The following ZNF789 variants were observed in gnomAD, a reference collection of about 807,000 sequenced individuals.
The protein encoded by ZNF789 is zinc finger protein 789.
ZNF789 carries 11 observed loss-of-function variants against 15.6 expected under a neutral mutation model. That is an observed-to-expected ratio of 0.70 (90% CI 0.44 to 1.16). The LOEUF is 1.16. Among genes scored for constraint, ZNF789 ranks in the 50% most tolerant of loss-of-function variants. The pLI, the probability that ZNF789 is intolerant of heterozygous loss-of-function variation, is 0.00. For synonymous variants in ZNF789, 159 were observed against 176.0 expected, an observed-to-expected ratio of 0.90 and a Z score of 0.76; for missense variants, 461 against 512.6, an observed-to-expected ratio of 0.90 and a Z score of 0.97.
intron 3 of ZNF789, chr7:99,480,054 G>A (rs548430594): frequency 3.0e-5 from 13 of 431,732 alleles, no homozygotes; most frequent in Middle Eastern, 5.9e-4. Flanking sequence ...GGCCAGGTGC[G>A]GTGGCTCACA....
At chr7:99,476,663 T>C (rs924358164) in intron 2 of ZNF789, among the ~76,000 whole-genome samples, 183 bp downstream of exon 2, 1 of 152,240 alleles carries the variant, frequency 6.6e-6, no homozygotes, top group African/African-American at 2.4e-5. Flanking sequence ...GCTCCAGTTT[T>C]CTTTTCTGTA....
chr7:99,481,149 T>G (rs1299129503), intron 3 of ZNF789: 3 of 152,252 alleles, frequency 2.0e-5, no homozygotes, highest in Non-Finnish European at 4.4e-5. Flanking sequence ...TATCAGCATT[T>G]CCCCACATAA....
At chr7:99,482,896 G>C (rs746910615) in intron 3 of ZNF789, among the ~76,000 whole-genome samples, 1 of 151,846 alleles carries the variant, frequency 6.6e-6, no homozygotes, top group Non-Finnish European at 1.5e-5. Context: ...TATGAGTTTT[G>C]TATTCTGCTT....
intron 3 of ZNF789, 36 bp downstream of exon 3, chr7:99,479,823 TTCTGAGTG>T (rs1799526451): frequency 6.2e-7 from 1 of 1,600,380 alleles, no homozygotes; most frequent in Admixed American, 1.7e-5. Context: ...TTTGTCTGTG[TTCTGAGTG>T]TCTGTGCAAG....
intron 1 of ZNF789, 84 bp from the exon 2 acceptor site, chr7:99,476,319 C>G: frequency 1.2e-6 from 1 of 838,196 alleles, no homozygotes; most frequent in East Asian, 3.0e-5. Context: ...GTCTGTGTGC[C>G]CCGTTGGAAT....
intron 4 of ZNF789, among the ~76,000 whole-genome samples, chr7:99,484,920 C>G (rs1431442320): frequency 6.6e-6 from 1 of 152,136 alleles, no homozygotes; most frequent in Non-Finnish European, 1.5e-5. Flanking sequence ...CAGAGCAAGA[C>G]TGTCTGAAAA....
rs754491823 is a variant in ZNF789, at chr7:99,483,761, A to T, written c.152-269A>T. On this transcript the variant is annotated intron_variant, in intron 3 of 4. Transcript: ENST00000331410. ...CAGTTTATTTCCAGTTTGATGCTGC[A>T]ATACCACTGTGCTGAACGTCTCTGG... 116 of 780,990 alleles carry T rather than the reference A, an allele frequency of 1.5e-4. 2 individuals are homozygous for T. The highest frequency in any genetic ancestry group is 1.1e-3 in the South Asian group (82 of 74,632). The allele number at this position is 780,990 out of a possible 1,614,324, so 48.4% of individuals were successfully genotyped here. A position where few individuals can be genotyped will look rare whatever the true frequency, so the allele number is the denominator to read the frequency against.
chr7:99,474,391 A>C (rs192623242), intron 1 of ZNF789, among the ~76,000 whole-genome samples: 1 of 152,104 alleles, frequency 6.6e-6, no homozygotes, highest in Non-Finnish European at 1.5e-5. Flanking sequence ...TCAGGAGATC[A>C]AGACCATCCT....
intron 2 of ZNF789, chr7:99,478,418 C>G (rs187696647): frequency 2.4e-6 from 3 of 1,262,894 alleles, no homozygotes; most frequent in Non-Finnish European, 3.1e-6. Flanking sequence ...AAAGAAAGTC[C>G]GTATAATTTG....
Position 99,486,811 on chromosome 7 carries a change from T to A in ZNF789, c.601T>A (p.Tyr201Asn). Reference sequence around the variant, plus strand: ...GCGAATTCTCACAAGAGCAAAGTCTTATGAATGCAGTGAATGTGGAAAAGT... The same window carrying A: ...GCGAATTCTCACAAGAGCAAAGTCTAATGAATGCAGTGAATGTGGAAAAGT... ...HERILTRAKS[Y>N]ECSECGKVIR... Residue 201 changes from tyrosine to asparagine, a missense_variant, in exon 5 of 5, where the codon TAT becomes AAT. Tyr to Asn is a moderately radical substitution (Grantham distance 143, BLOSUM62 -2). Transcript: ENST00000331410. 1 of 1,614,220 alleles carries A rather than the reference T, an allele frequency of 6.2e-7. No individual in the cohort carries two copies. The highest frequency in any genetic ancestry group is 8.5e-7 in the Non-Finnish European group (1 of 1,180,042).
rs1338510097 is a variant in ZNF789 at position 99,482,207 on chromosome 7, C to T, written c.152-1823C>T. The T allele has an allele frequency of 6.4e-6, 5 of 779,056 alleles. No individual in the cohort carries two copies. The Admixed American group carries it at 8.5e-5, about 13-fold the overall frequency. 48.3% of individuals were successfully genotyped at this position (779,056 alleles called of 1,614,324 possible). ...TGCAATACCACTGTGCTGAACGTCT[C>T]TGGCACATTCATCTTGGTTGCAATT... On this transcript the variant is annotated intron_variant, in intron 3 of 4. Coordinates refer to ENST00000331410, the MANE Select transcript of ZNF789 (RefSeq NM_213603.3).
chr7:99,484,418 T>C (rs1799806354), intron 4 of ZNF789, among the ~76,000 whole-genome samples: 1 of 152,134 alleles, frequency 6.6e-6, no homozygotes, highest in Admixed American at 6.6e-5. Context: ...AGGCCAGGAC[T>C]AGACCAGCCT....
At chr7:99,478,228 TG>T in intron 2 of ZNF789, 1 of 1,253,846 alleles carries the variant, frequency 8.0e-7, no homozygotes, top group Non-Finnish European at 1.0e-6. Context: ...ACAATGACTC[TG>T]GGAGATGAAG....
chr7:99,477,424 T>C (rs1399893996), intron 2 of ZNF789, among the ~76,000 whole-genome samples: 1 of 152,018 alleles, frequency 6.6e-6, no homozygotes, highest in African/African-American at 2.4e-5. Context: ...ATGGCAGCCT[T>C]GACCTTCCCA....
At chr7:99,482,846 A>C (rs1004358472) in intron 3 of ZNF789, among the ~76,000 whole-genome samples, 1 of 151,578 alleles carries the variant, frequency 6.6e-6, no homozygotes, top group Non-Finnish European at 1.5e-5. Flanking sequence ...CAAGAGCAAA[A>C]CTCTGTCTCA....
chr7:99,486,253 G>A (rs1214193333), intron 4 of ZNF789, among the ~76,000 whole-genome samples: 2 of 151,964 alleles, frequency 1.3e-5, no homozygotes, highest in Non-Finnish European at 2.9e-5. Context: ...AGGAGGCGGA[G>A]GGTGCAGTAA....
chr7:99,474,953 C>A (rs1799236184), intron 1 of ZNF789, among the ~76,000 whole-genome samples: 1 of 151,716 alleles, frequency 6.6e-6, no homozygotes, highest in Non-Finnish European at 1.5e-5. Context: ...CCACTGCACT[C>A]CAGCCTGGGT....
At position 99,486,460 on chromosome 7, in the gene ZNF789, CTTG is replaced by C. The variant is rs765002406; in HGVS notation, c.266-13_266-11del. ...AGTGGATAGGTCATTTACATCTTTT[CTTG>C]TTATTTGGCTAGGTTCTGAAGCCAG... On this transcript the variant is annotated splice_polypyrimidine_tract_variant and intron_variant, in intron 4 of 4. Coordinates refer to ENST00000331410, the MANE Select transcript of ZNF789 (RefSeq NM_213603.3). 3 of 1,595,274 alleles carry C rather than the reference CTTG, an allele frequency of 1.9e-6. No homozygotes were observed. Among genetic ancestry groups the C allele is most frequent in the Non-Finnish European group, 2.6e-6 (3 of 1,172,402 alleles).
At chr7:99,482,516 T>C (rs950915881) in intron 3 of ZNF789, among the ~76,000 whole-genome samples, 2 of 152,022 alleles carry the variant, frequency 1.3e-5, no homozygotes, top group Admixed American at 1.3e-4. Flanking sequence ...TAATTACTTA[T>C]ACACACACAC....
Sources: allele counts gnomAD v4.1 joint callset (sites outside exome capture counted in the v4.1 genomes callset), GRCh38; gene constraint gnomAD v4.1.1; transcripts MANE v1.5; gene names NCBI Gene and HGNC (gene_info 2026-07-23, HGNC 2026-07-21).